Variants in SSRP1 observed in about 807,000 individuals in gnomAD.
The protein encoded by SSRP1 is structure specific recognition protein 1.
SSRP1 carries 21 observed loss-of-function variants against 84.4 expected under a neutral mutation model. The observed-to-expected ratio is 0.25, with a 90% confidence interval of 0.18 to 0.36. The LOEUF is 0.36. Ranked by LOEUF, SSRP1 falls within the 10% of genes least tolerant of loss-of-function variation. SSRP1 has a pLI of 1.00. For missense variants in SSRP1, 519 were observed against 900.8 expected (o/e 0.58, Z 5.43); for synonymous variants, 319 against 318.3 (o/e 1.00, Z -0.02).
intron 15 of SSRP1, 50 bp downstream of exon 15, chr11:57,327,376 A>G (rs200937466): frequency 6.3e-7 from 1 of 1,584,792 alleles, no homozygotes; most frequent in East Asian, 2.2e-5. Context: ...GTTAAAAAAA[A>G]AAAAGTCTGC....
chr11:57,330,822 G>A lies in SSRP1; in HGVS notation c.1296+33C>T, dbSNP rs758120497. The A allele has an allele frequency of 1.9e-6, 3 of 1,614,004 alleles. No individual in the cohort carries two copies. Among genetic ancestry groups the A allele is most frequent in the Admixed American group, 1.7e-5 (1 of 60,006 alleles). On this transcript the variant is annotated intron_variant, in intron 10 of 16. Transcript: ENST00000278412. This position sits in a 1 kb window ranked among gnomAD's most constrained non-coding sequence, Gnocchi z 4.0. The stretch of plus-strand genomic sequence containing the variant: ...CCCTTTCTCCCCTATAGAAAGACCA[G>A]GAGAGGGTCTCATCCTCCCCACACA...
Position 57,326,445 on chromosome 11 carries a change from G to A in SSRP1, c.2092C>T (p.Pro698Ser), listed in dbSNP as rs372058811. 3.1e-6 allele frequency: 5 copies of A among 1,614,048 alleles called. No individual in the cohort carries two copies. The African/African-American group carries it at 6.7e-5, about 22-fold the overall frequency. The change falls in exon 17 of 17, where the codon CCC becomes TCC. Residue 698 changes from proline to serine, a missense_variant. Physicochemically the swap from Pro to Ser is moderately conservative, Grantham distance 74 (BLOSUM62 -1). This residue lies in a region of SSRP1 where 197 missense variants were observed against 265.0 expected (regional missense o/e 0.74). Transcript: ENST00000278412. ...CCTGACGCTGAGTCCTCTGAGCTGG[G>A]GGGAGTACTGGCTAGTTCTTCTTCT... is the stretch of plus-strand genomic sequence containing the variant. Reference protein sequence around the residue: ...SEEEELASTPPSSEDSASGSD... With the variant: ...SEEEELASTPSSSEDSASGSD...
Position 57,332,706 on chromosome 11 carries a change from G to C in SSRP1, c.687C>G (p.Thr229=). 6.2e-7 allele frequency: 1 copy of C among 1,614,068 alleles called. No individual in the cohort carries two copies. The highest frequency in any genetic ancestry group is 8.5e-7 in the Non-Finnish European group (1 of 1,180,012). ...YPTFLHLHGK[T]FDYKIPYTTV... The stretch of plus-strand genomic sequence containing the variant: ...TGGTGTAGGGGATCTTGTAGTCAAA[G>C]GTCTTGCCATGCAGGTGCAGAAAGG... The change falls in exon 6 of 17, where the codon ACC becomes ACG. Residue 229 remains threonine (T), a synonymous_variant. Coordinates refer to ENST00000278412, the MANE Select transcript of SSRP1 (RefSeq NM_003146.3). This position sits in a 1 kb window ranked among gnomAD's most constrained non-coding sequence, Gnocchi z 5.5.
At chr11:57,334,863 A>T (rs1277560902) in intron 2 of SSRP1, among the ~76,000 whole-genome samples, 1 of 152,224 alleles carries the variant, frequency 6.6e-6, no homozygotes, top group Admixed American at 6.5e-5. Context: ...TAAAACAGGA[A>T]TTGGGAACTG....
At chr11:57,327,928 TAC>T (rs1457221776) in intron 13 of SSRP1, 46 bp from the exon 14 acceptor site, 22 of 1,588,444 alleles carry the variant, frequency 1.4e-5, no homozygotes, top group Non-Finnish European at 1.7e-5. Flanking sequence ...ACAGAACCCA[TAC>T]ATTTTCCCAA....
At position 57,335,015 on chromosome 11, in the gene SSRP1, C is replaced by G; in HGVS notation, c.54+53G>C. 6.2e-7 allele frequency: 1 copy of G among 1,602,670 alleles called. No individual in the cohort carries two copies. Among genetic ancestry groups the G allele is most frequent in the Non-Finnish European group, 8.5e-7 (1 of 1,169,982 alleles). ...GCAAGCTCTCATTAATGGACAAAAA[C>G]TCTACCCTCCTTCCTTCTCTCTACT... On this transcript the variant is annotated intron_variant, in intron 2 of 16. Transcript: ENST00000278412. This position sits in a 1 kb window ranked among gnomAD's most constrained non-coding sequence, Gnocchi z 4.6.
chr11:57,326,362 C>T lies in SSRP1; in HGVS notation c.*45G>A, dbSNP rs531856083. On this transcript the variant is annotated 3_prime_UTR_variant, in exon 17 of 17. Coordinates refer to ENST00000278412, the MANE Select transcript of SSRP1 (RefSeq NM_003146.3). ...TGGTACCAAAATATGGGTGGGGAGT[C>T]GGGGGGTGTGAGAAGGCAAGCGCAA... 16 of 1,581,076 alleles carry T rather than the reference C, an allele frequency of 1.0e-5. No individual in the cohort carries two copies. Among genetic ancestry groups the T allele is most frequent in the Admixed American group, 6.7e-5 (4 of 59,918 alleles).
chr11:57,335,380 T>G lies in SSRP1; in HGVS notation c.-119-140A>C. On this transcript the variant is annotated intron_variant, in intron 1 of 16. Transcript: ENST00000278412. This position sits in a 1 kb window ranked among gnomAD's most constrained non-coding sequence, Gnocchi z 4.6. Reference sequence around the variant, plus strand: ...GGAAACCTACAGACGGACGCTGCAGTGCCCGAGGGTCCAGGTCCAGGCCTG... The same window carrying G: ...GGAAACCTACAGACGGACGCTGCAGGGCCCGAGGGTCCAGGTCCAGGCCTG... The G allele has an allele frequency of 2.2e-6, 1 of 450,088 alleles. No homozygotes were observed. Among genetic ancestry groups the G allele is most frequent in the South Asian group, 2.0e-5 (1 of 48,962 alleles). 27.9% of individuals were successfully genotyped at this position (450,088 alleles called of 1,614,324 possible).
chr11:57,334,793 A>G, intron 2 of SSRP1, 145 bp from the exon 3 acceptor site: 1 of 1,021,274 alleles, frequency 9.8e-7, no homozygotes, highest in East Asian at 2.4e-5. Flanking sequence ...CAAGGAGTCT[A>G]GATTCTAAAC....
At chr11:57,334,705 T>C (rs1412466206) in intron 2 of SSRP1, 57 bp from the exon 3 acceptor site, 1 of 1,583,194 alleles carries the variant, frequency 6.3e-7, no homozygotes, top group Non-Finnish European at 8.6e-7. Flanking sequence ...TCCTGGGTTC[T>C]ACAGCTCTAC....
chr11:57,332,054 C>T lies in SSRP1; in HGVS notation c.1001+98G>A. The T allele has an allele frequency of 6.3e-7, 1 of 1,587,300 alleles. No individual in the cohort carries two copies. The highest frequency in any genetic ancestry group is 1.1e-5 in the South Asian group (1 of 87,034). On this transcript the variant is annotated intron_variant, in intron 8 of 16. Coordinates refer to ENST00000278412, the MANE Select transcript of SSRP1 (RefSeq NM_003146.3). This position sits in a 1 kb window ranked among gnomAD's most constrained non-coding sequence, Gnocchi z 5.5. ...TTGTGACACAAGGTCCCATCCAGGCCTCTAGGAGGCCGCATTCCCATCTCA... is the reference window on the plus strand; with the variant it reads ...TTGTGACACAAGGTCCCATCCAGGCTTCTAGGAGGCCGCATTCCCATCTCA...
At position 57,326,835 on chromosome 11, in the gene SSRP1, C is replaced by G; in HGVS notation, c.1926G>C (p.Thr642=). The change falls in exon 16 of 17, where the codon ACG becomes ACC. Residue 642 remains threonine (T), a synonymous_variant. Transcript: ENST00000278412. ...KVKVKMEKKS[T]PSRGSSSKSS... ...ACTTGGATGATGAGCCCCTAGAGGG[C>G]GTGGATTTCTTTTCCATCTTTACCT... 1 of 1,614,046 alleles carries G rather than the reference C, an allele frequency of 6.2e-7. No homozygotes were observed. The highest frequency in any genetic ancestry group is 8.5e-7 in the Non-Finnish European group (1 of 1,179,974).
In SSRP1 at chr11:57,330,455, G is replaced by C. The variant is rs1405651287; in HGVS notation, c.1297-26C>G. On this transcript the variant is annotated intron_variant, in intron 10 of 16. Coordinates refer to ENST00000278412, the MANE Select transcript of SSRP1 (RefSeq NM_003146.3). The surrounding 1 kb of genome is among the most constrained non-coding windows in gnomAD (Gnocchi z 4.0). ...CTAGCCAGGGAAGAGTTCACGGTGG[G>C]GCCAACTCACCCTCGAGCCAGAATC... 5.0e-6 allele frequency: 8 copies of C among 1,611,906 alleles called. No homozygotes were observed. The highest frequency in any genetic ancestry group is 6.8e-6 in the Non-Finnish European group (8 of 1,179,510).
chr11:57,334,218 G>T (rs959002044), intron 3 of SSRP1, among the ~76,000 whole-genome samples: 13 of 152,170 alleles, frequency 8.5e-5, no homozygotes, highest in African/African-American at 3.1e-4. Flanking sequence ...CTTGATAAAA[G>T]CCACAGGCAG....
At chr11:57,331,629 G>C in intron 9 of SSRP1, 39 bp downstream of exon 9, 1 of 1,557,742 alleles carries the variant, frequency 6.4e-7, no homozygotes, top group Middle Eastern at 1.7e-4. Flanking sequence ...GCTGGCTCGG[G>C]ACCAGGATGC....
Position 57,330,638 on chromosome 11 carries a change from C to A in SSRP1, c.1297-209G>T. On this transcript the variant is annotated intron_variant, in intron 10 of 16. Coordinates refer to ENST00000278412, the MANE Select transcript of SSRP1 (RefSeq NM_003146.3). The surrounding 1 kb of genome is among the most constrained non-coding windows in gnomAD (Gnocchi z 4.0). ...GTCCAAGCCCCAAGCCCCTCCCTCTCCCAGCCCCACTGGGGGCTCCTGAGG... is the reference window on the plus strand; with the variant it reads ...GTCCAAGCCCCAAGCCCCTCCCTCTACCAGCCCCACTGGGGGCTCCTGAGG... 9.0e-6 allele frequency: 13 copies of A among 1,441,750 alleles called. No homozygotes were observed. The Middle Eastern group carries it at 7.4e-4, about 82-fold the overall frequency. 89.3% of individuals were successfully genotyped at this position (1,441,750 alleles called of 1,614,324 possible).
At position 57,326,058 on chromosome 11, in the gene SSRP1, C is replaced by T. The variant is rs1855973298; in HGVS notation, c.*349G>A. The T allele has an allele frequency of 7.0e-6, 2 of 286,936 alleles. No individual in the cohort carries two copies. Among genetic ancestry groups the T allele is most frequent in the African/African-American group, 4.3e-5 (2 of 46,314 alleles). 17.8% of individuals were successfully genotyped at this position (286,936 alleles called of 1,614,324 possible). On this transcript the variant is annotated 3_prime_UTR_variant, in exon 17 of 17. Coordinates refer to ENST00000278412, the MANE Select transcript of SSRP1 (RefSeq NM_003146.3). Reference sequence around the variant, plus strand: ...AATACAAAATGAAAGTAGAAATAGGCCCCAGGTAGGAGCTACAGGCCTGGC... The same window carrying T: ...AATACAAAATGAAAGTAGAAATAGGTCCCAGGTAGGAGCTACAGGCCTGGC...
chr11:57,327,809 C>T lies in SSRP1; in HGVS notation c.1685G>A (p.Arg562Gln). ...SAYMLWLNAS[R>Q]EKIKSDHPGI... ...AGGATGGTCTGACTTGATCTTCTCT[C>T]GGCTGGCATTGAGCCACAGCATGTA... Residue 562 changes from arginine (R) to glutamine (Q), a missense_variant, in exon 14 of 17, where the codon CGA becomes CAA. By Grantham distance (43) the Arg-to-Gln change is conservative. This residue lies in a region of SSRP1 where 197 missense variants were observed against 265.0 expected (regional missense o/e 0.74). Transcript: ENST00000278412. The T allele has an allele frequency of 6.2e-7, 1 of 1,614,162 alleles. No individual in the cohort carries two copies.
In SSRP1 at chr11:57,332,578, A is replaced by G. The variant is rs747870214; in HGVS notation, c.768+47T>C. The G allele has an allele frequency of 3.1e-6, 5 of 1,604,750 alleles. No individual in the cohort carries two copies. Among genetic ancestry groups the G allele is most frequent in the Non-Finnish European group, 4.3e-6 (5 of 1,172,904 alleles). ...CACCAGTGAGATCCATCTACTTAAC[A>G]CTTAGGCAAAAACCAGGATTATCCG... On this transcript the variant is annotated intron_variant, in intron 6 of 16. Transcript: ENST00000278412. This position sits in a 1 kb window ranked among gnomAD's most constrained non-coding sequence, Gnocchi z 5.5.
Sources: allele counts gnomAD v4.1 joint callset (sites outside exome capture counted in the v4.1 genomes callset), GRCh38; gene constraint gnomAD v4.1.1; regional missense constraint gnomAD v4.1.1; non-coding constraint Gnocchi (gnomAD v3.1); transcripts MANE v1.5; gene names NCBI Gene and HGNC (gene_info 2026-07-23, HGNC 2026-07-21).